The following BLTP2 variants were observed in gnomAD, a reference collection of about 807,000 sequenced individuals.
The protein encoded by BLTP2 is U937-associated antigen.
chr17:28,636,329 A>G, the BLTP2 span, among the ~76,000 whole-genome samples: 1 of 152,184 alleles, frequency 6.6e-6, no homozygotes, highest in Non-Finnish European at 1.5e-5. Flanking sequence ...TACCCTGAGG[A>G]TAAAGATACT....
At chr17:28,636,932 C>T in the BLTP2 span, 48 of 1,581,042 alleles carry the variant, frequency 3.0e-5, no homozygotes, top group South Asian at 5.2e-4. Flanking sequence ...AGGAAAAAAC[C>T]AGCCTGGCCC....
At chr17:28,637,841 A>G in the BLTP2 span, 13 of 1,613,780 alleles carry the variant, frequency 8.1e-6, no homozygotes, top group Non-Finnish European at 1.1e-5. Flanking sequence ...CTTACCAACC[A>G]AGGCAGAAAG....
At chr17:28,643,375 C>T in the BLTP2 span, 1 of 1,588,570 alleles carries the variant, frequency 6.3e-7, no homozygotes, top group South Asian at 1.1e-5. Context: ...TATTCCCCAC[C>T]CTCACATTCA....
the BLTP2 span, chr17:28,640,796 T>C: frequency 3.1e-6 from 3 of 968,186 alleles, no homozygotes; most frequent in African/African-American, 1.6e-5. Flanking sequence ...GCTAAGCAAA[T>C]GCCTAAGCTG....
the BLTP2 span, chr17:28,632,868 C>G: frequency 8.7e-7 from 1 of 1,151,782 alleles, no homozygotes; most frequent in Non-Finnish European, 1.2e-6. Context: ...CCCAGAGGGT[C>G]AAGCTAAAGT....
chr17:28,642,759 G>GC, the BLTP2 span: 4 of 697,196 alleles, frequency 5.7e-6, 1 homozygote, highest in African/African-American at 3.6e-5. Context: ...TCTAATCTTA[G>GC]CATCTCCTCC....
chr17:28,637,217 G>A, the BLTP2 span: 3 of 1,448,626 alleles, frequency 2.1e-6, no homozygotes, highest in South Asian at 1.2e-5. Context: ...CTCTCAAAGG[G>A]CAACAATAGT....
the BLTP2 span, chr17:28,643,400 C>A: frequency 6.5e-7 from 1 of 1,537,364 alleles, no homozygotes; most frequent in Non-Finnish European, 9.0e-7. Context: ...CTCATCCTTC[C>A]TAGAAATATA....
At chr17:28,618,627 C>G in the BLTP2 span, 1 of 559,688 alleles carries the variant, frequency 1.8e-6, no homozygotes. Flanking sequence ...TAAGGAAGCT[C>G]TGCTCATTAA....
At chr17:28,619,227 C>T in the BLTP2 span, among the ~76,000 whole-genome samples, 189 of 152,084 alleles carry the variant, frequency 1.2e-3, no homozygotes, top group Middle Eastern at 6.8e-3. Context: ...ATTTTATCTG[C>T]AACTGTATAC....
the BLTP2 span, chr17:28,637,129 T>C: frequency 6.2e-7 from 1 of 1,614,206 alleles, no homozygotes; most frequent in Non-Finnish European, 8.5e-7. Context: ...GTCTCTGCAC[T>C]GCCCAGGATA....
At chr17:28,642,016 G>A in the BLTP2 span, 1 of 1,614,220 alleles carries the variant, frequency 6.2e-7, no homozygotes, top group African/African-American at 1.3e-5. Flanking sequence ...GATGCCGACT[G>A]CTAATGCCCA....
At chr17:28,618,630 C>T in the BLTP2 span, 38 of 565,298 alleles carry the variant, frequency 6.7e-5, no homozygotes, top group Non-Finnish European at 1.1e-4. Context: ...GGAAGCTCTG[C>T]TCATTAATAT....
chr17:28,617,455 C>T, the BLTP2 span: 4 of 614,100 alleles, frequency 6.5e-6, no homozygotes, highest in Non-Finnish European at 8.8e-6. Context: ...CAAACTCATA[C>T]AATCAACACT....
chr17:28,624,726 T>C, the BLTP2 span, among the ~76,000 whole-genome samples: 1 of 152,218 alleles, frequency 6.6e-6, no homozygotes, highest in South Asian at 2.1e-4. Context: ...TTACATGTTA[T>C]TTGACCACTC....
chr17:28,620,371 T>C, the BLTP2 span: 1 of 985,758 alleles, frequency 1.0e-6, no homozygotes, highest in African/African-American at 1.6e-5. Flanking sequence ...CAATTGTCAC[T>C]GCCGACTAAG....
the BLTP2 span, chr17:28,645,093 C>G: frequency 3.8e-6 from 6 of 1,560,966 alleles, no homozygotes; most frequent in East Asian, 7.2e-5. Context: ...CCCCGGCCCC[C>G]GCCATGCCGG....
the BLTP2 span, chr17:28,619,866 G>C: frequency 6.2e-7 from 1 of 1,613,890 alleles, no homozygotes; most frequent in Non-Finnish European, 8.5e-7. Context: ...CTACCTTCAT[G>C]ATAGAATACA....
At chr17:28,640,971 G>A in the BLTP2 span, among the ~76,000 whole-genome samples, 8 of 152,270 alleles carry the variant, frequency 5.3e-5, no homozygotes, top group Non-Finnish European at 1.5e-5. Flanking sequence ...CTGCCTGTAT[G>A]ACTTCAGTCA....
Sources: allele counts gnomAD v4.1 joint callset (sites outside exome capture counted in the v4.1 genomes callset), GRCh38; gene constraint gnomAD v4.1.1; transcripts MANE v1.5; gene names NCBI Gene and HGNC (gene_info 2026-07-23, HGNC 2026-07-21).